Variants in PCDH15 observed in about 807,000 individuals in gnomAD.
PCDH15 encodes the protein protocadherin related 15.
PCDH15 carries 129 observed loss-of-function variants against 178.5 expected under a neutral mutation model. The observed-to-expected ratio is 0.72, with a 90% CI of 0.63 to 0.84. The LOEUF (loss-of-function observed/expected upper bound fraction) is 0.84. PCDH15 is among the 40% of genes least tolerant of loss of function. PCDH15 has a pLI of 0.00. For synonymous variants in PCDH15, 800 were observed against 732.0 expected, an observed-to-expected ratio of 1.09 and a Z score of -1.50; for missense variants, 2,230 against 2,099.9, an observed-to-expected ratio of 1.06 and a Z score of -1.21.
chr10:53,994,338 T>A (rs1043768980), intron 21 of PCDH15, among the ~76,000 whole-genome samples: 6 of 152,218 alleles, frequency 3.9e-5, no homozygotes, highest in African/African-American at 1.2e-4. Context: ...AAATTTTTTT[T>A]AAATGTATGT....
chr10:54,060,715 G>C (rs2093995912), intron 18 of PCDH15, among the ~76,000 whole-genome samples: 1 of 152,150 alleles, frequency 6.6e-6, no homozygotes, highest in African/African-American at 2.4e-5. Context: ...CATATTTTAA[G>C]CTGTTCATTA....
chr10:55,594,006 T>C (rs1236922753), intron 2 of PCDH15, among the ~76,000 whole-genome samples: 1 of 151,918 alleles, frequency 6.6e-6, no homozygotes, highest in East Asian at 1.9e-4. Flanking sequence ...TACATATCTT[T>C]AGAGTGCTTG....
Position 54,465,109 on chromosome 10 carries a change from T to C in PCDH15, c.157+62703A>G, listed in dbSNP as rs529333008. ...TTAATAATTAAAGGTACATAATAGG[T>C]ATATATATTTCTATCTTATTATTGA... On this transcript the variant is annotated intron_variant, in intron 3 of 37. Coordinates refer to ENST00000644397, the MANE Select transcript of PCDH15 (RefSeq NM_001384140.1). 3.3e-5 allele frequency among the ~76,000 whole-genome samples: 5 copies of C among 152,252 alleles called. No homozygotes were observed. In the South Asian group the frequency reaches 6.2e-4, roughly 19 times the overall value.
chr10:55,369,361 T>A (rs972679550), intron 2 of PCDH15, among the ~76,000 whole-genome samples: 1 of 151,964 alleles, frequency 6.6e-6, no homozygotes, highest in Admixed American at 6.6e-5. Flanking sequence ...GGTCTCTGAA[T>A]ATATGAGCCA....
intron 2 of PCDH15, among the ~76,000 whole-genome samples, chr10:55,403,312 T>C (rs759446236): frequency 1.3e-5 from 2 of 151,722 alleles, no homozygotes; most frequent in African/African-American, 4.8e-5. Flanking sequence ...TTTTCTCCCA[T>C]GTTACATGTG....
intron 2 of PCDH15, among the ~76,000 whole-genome samples, chr10:54,640,396 G>A (rs1376988643): frequency 6.6e-6 from 1 of 151,474 alleles, no homozygotes; most frequent in Non-Finnish European, 1.5e-5. Context: ...ATATAAGTAT[G>A]TACCTTTAAT....
chr10:54,377,149 T>C (rs1384431946), intron 4 of PCDH15, among the ~76,000 whole-genome samples: 1 of 152,086 alleles, frequency 6.6e-6, no homozygotes, highest in Non-Finnish European at 1.5e-5. Flanking sequence ...TAAATATACA[T>C]ATCAACACAC....
Position 55,110,071 on chromosome 10 carries a change from TAA to T in PCDH15, c.-80+56503_-80+56504del, listed in dbSNP as rs1208570879. Among the ~76,000 whole-genome samples, 7 of 151,860 alleles carry T rather than the reference TAA, an allele frequency of 4.6e-5. 1 individual carries two copies. The highest frequency in any genetic ancestry group is 1.7e-4 in the African/African-American group (7 of 41,532). ...ACTATTGATTTTTAATATTATAGCA[TAA>T]AGTTTATTAATATTCTAAATAACAT... On this transcript the variant is annotated intron_variant, in intron 2 of 5. Transcript: ENST00000458638.
intron 2 of PCDH15, among the ~76,000 whole-genome samples, chr10:55,036,455 T>C (rs988020150): frequency 2.0e-5 from 3 of 152,118 alleles, no homozygotes; most frequent in Admixed American, 1.3e-4. Context: ...CTTAGACAGA[T>C]TCTGGTTCCC....
intron 2 of PCDH15, among the ~76,000 whole-genome samples, chr10:55,083,538 T>G (rs932891072): frequency 6.6e-6 from 1 of 151,782 alleles, no homozygotes; most frequent in Non-Finnish European, 1.5e-5. Context: ...TATTGCTATT[T>G]CCATAATACT....
At chr10:55,388,476 A>G (rs1053877188) in intron 2 of PCDH15, among the ~76,000 whole-genome samples, 9 of 152,074 alleles carry the variant, frequency 5.9e-5, no homozygotes, top group African/African-American at 2.2e-4. Flanking sequence ...GAGATACAAG[A>G]TAAGACTTAA....
At chr10:54,305,103 T>C (rs2060383650) in intron 8 of PCDH15, among the ~76,000 whole-genome samples, 1 of 152,118 alleles carries the variant, frequency 6.6e-6, no homozygotes, top group African/African-American at 2.4e-5. Context: ...TTTTAAAGTG[T>C]TATGTACATA....
intron 2 of PCDH15, among the ~76,000 whole-genome samples, chr10:54,955,795 C>A (rs1193021403): frequency 6.6e-6 from 1 of 151,132 alleles, no homozygotes; most frequent in African/African-American, 2.4e-5. Context: ...TGTAGCAGCG[C>A]AATTAATTTA....
chr10:53,916,265 T>C (rs1012041432), intron 25 of PCDH15, among the ~76,000 whole-genome samples: 4 of 152,194 alleles, frequency 2.6e-5, no homozygotes, highest in African/African-American at 9.6e-5. Context: ...GCCAACTGTA[T>C]AGTCATGAGG....
In PCDH15 at chr10:53,822,117, A is replaced by G. The variant is rs867698529; in HGVS notation, c.4368-1887T>C. 1.2e-6 allele frequency: 2 copies of G among 1,613,382 alleles called. No homozygotes were observed. The highest frequency in any genetic ancestry group is 1.7e-6 in the Non-Finnish European group (2 of 1,179,926). ...TTCTCTCTGAGGGTCTGTTTTACAC[A>G]CTGTCGTTGTTGATAGCTGTGTCAT... On this transcript the variant is annotated intron_variant, in intron 32 of 37. Coordinates refer to ENST00000644397, the MANE Select transcript of PCDH15 (RefSeq NM_001384140.1).
intron 3 of PCDH15, chr10:54,452,462 G>A (rs2076539579): frequency 6.6e-6 from 1 of 152,150 alleles, no homozygotes; most frequent in East Asian, 1.9e-4. Flanking sequence ...CAGGGGTCCT[G>A]CTAATCTTCT....
chr10:54,136,955 G>T (rs748366093), intron 14 of PCDH15, among the ~76,000 whole-genome samples: 1 of 152,134 alleles, frequency 6.6e-6, no homozygotes, highest in Non-Finnish European at 1.5e-5. Flanking sequence ...ATCCTGGCAT[G>T]TCCCTATAAT....
chr10:53,848,570 C>T (rs1485629681), intron 28 of PCDH15, among the ~76,000 whole-genome samples: 5 of 151,882 alleles, frequency 3.3e-5, no homozygotes, highest in African/African-American at 1.2e-4. Context: ...ATAAAGTTGT[C>T]TGGAAATGTT....
At chr10:55,426,520 G>A (rs371007836) in intron 2 of PCDH15, among the ~76,000 whole-genome samples, 9 of 152,210 alleles carry the variant, frequency 5.9e-5, no homozygotes, top group Admixed American at 1.3e-4. Flanking sequence ...CCGCAAACCC[G>A]GTAGCCCCAG....
Sources: allele counts gnomAD v4.1 joint callset (sites outside exome capture counted in the v4.1 genomes callset), GRCh38; gene constraint gnomAD v4.1.1; transcripts MANE v1.5; gene names NCBI Gene and HGNC (gene_info 2026-07-23, HGNC 2026-07-21).